The following GLDC variants were observed in gnomAD, a reference collection of about 807,000 sequenced individuals.
GLDC encodes the protein glycine decarboxylase, also known as glycine dehydrogenase (decarboxylating), mitochondrial.
In GLDC, 104 loss-of-function variants were observed where a neutral mutation model predicts 121.3. The ratio of observed to expected loss-of-function variants is 0.86; its 90% CI spans 0.73 to 1.01. The LOEUF (loss-of-function observed/expected upper bound fraction) is 1.01. Ranked by LOEUF, GLDC falls within the 50% of genes least tolerant of loss-of-function variation. GLDC has a pLI of 0.00. For missense variants in GLDC, 1,429 were observed against 1,306.6 expected (o/e 1.09, Z -1.44); for synonymous variants, 546 against 480.6 (o/e 1.14, Z -1.78).
At chr9:6,610,040 G>A in intron 4 of GLDC, 152 bp downstream of exon 4, 1 of 664,664 alleles carries the variant, frequency 1.5e-6, no homozygotes, top group Non-Finnish European at 2.6e-6. Context: ...CCAACCTCTA[G>A]GTTTTTGAAC....
At chr9:6,551,781 G>A (rs920193840) in intron 20 of GLDC, among the ~76,000 whole-genome samples, 4 of 152,148 alleles carry the variant, frequency 2.6e-5, no homozygotes, top group African/African-American at 7.2e-5. Flanking sequence ...TGGAAGGGGA[G>A]GGCACATGAC....
rs781613958 is a variant in GLDC, at chr9:6,595,114, G to A, written c.1161C>T (p.Leu387=). ...CAAACATGGCAGCCATATTCGCCAA[G>A]AGGGCCTAAAAGATAAGAACATTTA... The part of the protein sequence containing the change: ...ATSNICTAQA[L]LANMAAMFAI... The change falls in exon 9 of 25, where the codon CTC becomes CTT. Residue 387 remains leucine (L), a synonymous_variant. Transcript: ENST00000321612. 1.9e-6 allele frequency: 3 copies of A among 1,604,518 alleles called. No homozygotes were observed. The highest frequency in any genetic ancestry group is 3.3e-5 in the Admixed American group (2 of 60,010).
intron 2 of GLDC, among the ~76,000 whole-genome samples, chr9:6,635,402 G>T (rs1183284700): frequency 1.3e-5 from 2 of 152,192 alleles, no homozygotes; most frequent in Admixed American, 1.3e-4. Context: ...GGCACTTTAT[G>T]TATGGGCAAA....
chr9:6,643,839 G>A (rs1053015959), intron 2 of GLDC, among the ~76,000 whole-genome samples: 4 of 151,616 alleles, frequency 2.6e-5, no homozygotes, highest in African/African-American at 9.7e-5. Context: ...TTCGACACCA[G>A]CCTGGCCAAC....
At chr9:6,543,793 C>G (rs1461606184) in intron 21 of GLDC, among the ~76,000 whole-genome samples, 1 of 151,998 alleles carries the variant, frequency 6.6e-6, no homozygotes, top group Non-Finnish European at 1.5e-5. Flanking sequence ...ATAAACCACT[C>G]AGCACCAACT....
In GLDC at chr9:6,608,469, A is replaced by G. The variant is rs143814477; in HGVS notation, c.635+1723T>C. ...CAAATAAATTAACTCGGCCGGGCTCAGTGGCTCACGCCTATAATCCCAGCA... is the reference window on the plus strand; with the variant it reads ...CAAATAAATTAACTCGGCCGGGCTCGGTGGCTCACGCCTATAATCCCAGCA... On this transcript the variant is annotated intron_variant, in intron 4 of 24. Transcript: ENST00000321612. Among the ~76,000 whole-genome samples the G allele has an allele frequency of 4.5e-3, 643 of 144,362 alleles. 3 individuals carry two copies. Among genetic ancestry groups the G allele is most frequent in the African/African-American group, 0.015 (596 of 39,368 alleles). 94.7% of individuals were successfully genotyped at this position (144,362 alleles called of 152,430 possible).
chr9:6,644,026 T>G (rs1277862162), intron 2 of GLDC, among the ~76,000 whole-genome samples: 2 of 17,286 alleles, frequency 1.2e-4, no homozygotes, highest in Admixed American at 1.1e-3. Flanking sequence ...AGAGATTCTG[T>G]CTCAAAAAAA....
At chr9:6,581,252 A>C (rs1330448240) in intron 15 of GLDC, among the ~76,000 whole-genome samples, 1 of 152,210 alleles carries the variant, frequency 6.6e-6, no homozygotes, top group Non-Finnish European at 1.5e-5. Flanking sequence ...AATCGGAGGC[A>C]TGTTCCATCC....
Position 6,645,324 on chromosome 9 carries a change from C to G in GLDC, c.176G>C (p.Arg59Thr), listed in dbSNP as rs386833530. ...GTGCCTCCGAGCGAAGTCGTCGTGTCTGGGCAGAAGGCGCTCCAGGAGGCG... is the reference window on the plus strand; with the variant it reads ...GTGCCTCCGAGCGAAGTCGTCGTGTGTGGGCAGAAGGCGCTCCAGGAGGCG... ...ASRLLERLLP[R>T]HDDFARRHIG... The change falls in exon 1 of 25, where the codon AGA becomes ACA. Residue 59 changes from arginine (R) to threonine (T), a missense_variant. Arg to Thr is a moderately conservative substitution (Grantham distance 71, BLOSUM62 -1). Transcript: ENST00000321612. 1.3e-6 allele frequency: 2 copies of G among 1,583,906 alleles called. No individual in the cohort carries two copies. The highest frequency in any genetic ancestry group is 1.7e-6 in the Non-Finnish European group (2 of 1,167,388).
At position 6,587,139 on chromosome 9, in the gene GLDC, AC is replaced by A. The variant is rs1399754800; in HGVS notation, c.1850+1del. The A allele has an allele frequency of 6.2e-7, 1 of 1,611,620 alleles. No homozygotes were observed. On this transcript the variant is annotated splice_donor_variant, in intron 15 of 24. Transcript: ENST00000321612. LOFTEE classifies it high-confidence loss of function. ...AAACAATAAGAAAAGAAATGCCCTT[AC>A]CTGTTTGGCTGGAAACAGACCTGGT...
chr9:6,532,907 A>G lies in GLDC; in HGVS notation c.*110T>C. On this transcript the variant is annotated 3_prime_UTR_variant, in exon 25 of 25. Coordinates refer to ENST00000321612, the MANE Select transcript of GLDC (RefSeq NM_000170.3). ...TGACAGAGATTACAGAGATATACAC[A>G]GTATATAAAACTCCTACTTGAGGCT... 1 of 802,174 alleles carries G rather than the reference A, an allele frequency of 1.2e-6. No homozygotes were observed. The highest frequency in any genetic ancestry group is 1.3e-5 in the South Asian group (1 of 74,122). 49.7% of individuals were successfully genotyped at this position (802,174 alleles called of 1,614,324 possible). A position where few individuals can be genotyped will look rare whatever the true frequency, so the allele number is the denominator to read the frequency against.
chr9:6,586,734 C>A (rs1267474089), intron 15 of GLDC, among the ~76,000 whole-genome samples: 1 of 152,224 alleles, frequency 6.6e-6, no homozygotes, highest in African/African-American at 2.4e-5. Context: ...CGCCTCGTGA[C>A]TTGCTTTAAT....
rs1367460007 is a variant in GLDC, at chr9:6,604,572, AC to A, written c.1058+15del. On this transcript the variant is annotated intron_variant, in intron 7 of 24. Transcript: ENST00000321612. ...TCATAATCACAATAAAAGTAGAGAA[AC>A]ATGAGCCCCTTTACCTTGTTACCCC... is the stretch of plus-strand genomic sequence containing the variant. The A allele has an allele frequency of 6.3e-7, 1 of 1,599,288 alleles. No individual in the cohort carries two copies. The highest frequency in any genetic ancestry group is 8.6e-7 in the Non-Finnish European group (1 of 1,168,206).
chr9:6,640,331 C>A (rs929445912), intron 2 of GLDC, among the ~76,000 whole-genome samples: 3 of 152,204 alleles, frequency 2.0e-5, no homozygotes, highest in South Asian at 2.1e-4. Flanking sequence ...TCACAGACTG[C>A]GGGGCCTACA....
intron 2 of GLDC, among the ~76,000 whole-genome samples, chr9:6,642,396 T>A (rs1405959186): frequency 6.6e-6 from 1 of 152,070 alleles, no homozygotes; most frequent in Non-Finnish European, 1.5e-5. Context: ...CCGGGCATGG[T>A]GGTGCACGTC....
At chr9:6,571,767 C>T (rs973749951) in intron 15 of GLDC, among the ~76,000 whole-genome samples, 1 of 152,180 alleles carries the variant, frequency 6.6e-6, no homozygotes, top group Non-Finnish European at 1.5e-5. Context: ...TATTTTTGAG[C>T]CAGTTGACCA....
chr9:6,580,768 C>A (rs1339925508), intron 15 of GLDC, among the ~76,000 whole-genome samples: 1 of 152,224 alleles, frequency 6.6e-6, no homozygotes, highest in African/African-American at 2.4e-5. Context: ...CCTGATCCTA[C>A]CTGCCTATCA....
chr9:6,534,786 C>T lies in GLDC; in HGVS notation c.2841G>A (p.Met947Ile), dbSNP rs1214310966. ...TAACGCAGGTCAGGGAGTGTGGAGA[C>T]ATCTGAGACAGAGACACGGACAGAG... ...RIDPRVNPLK[M>I]SPHSLTCVTS... Residue 947 changes from methionine (M) to isoleucine (I), a missense_variant and splice_region_variant, in exon 24 of 25, where the codon ATG (methionine) becomes ATA (isoleucine). Met to Ile is a conservative substitution (Grantham distance 10). Transcript: ENST00000321612. 5.1e-6 allele frequency: 8 copies of T among 1,580,054 alleles called. No individual in the cohort carries two copies. The highest frequency in any genetic ancestry group is 7.0e-6 in the Non-Finnish European group (8 of 1,149,028).
intron 2 of GLDC, among the ~76,000 whole-genome samples, chr9:6,620,644 A>G (rs1819073201): frequency 6.6e-6 from 1 of 152,098 alleles, no homozygotes; most frequent in Admixed American, 6.6e-5. Flanking sequence ...TTTCTGCTGT[A>G]TATACGCTAA....
Sources: allele counts gnomAD v4.1 joint callset (sites outside exome capture counted in the v4.1 genomes callset), GRCh38; gene constraint gnomAD v4.1.1; transcripts MANE v1.5; gene names NCBI Gene and HGNC (gene_info 2026-07-23, HGNC 2026-07-21).